The following ABCC2 variants were observed in gnomAD, a reference collection of about 807,000 sequenced individuals.
ABCC2 encodes ATP-binding cassette sub-family C member 2.
In ABCC2, 157 loss-of-function variants were observed where a neutral mutation model predicts 173.4. The observed-to-expected ratio is 0.91, with a 90% CI of 0.80 to 1.03. The LOEUF (loss-of-function observed/expected upper bound fraction) is 1.03, where lower values mean the gene tolerates loss of function less well. ABCC2 is among the 50% of genes least tolerant of loss of function. The pLI, the probability that ABCC2 is intolerant of heterozygous loss-of-function variation, is 0.00. For missense variants in ABCC2, 1,822 were observed against 1,852.3 expected (o/e 0.98, Z 0.30); for synonymous variants, 657 against 693.5 (o/e 0.95, Z 0.83).
At chr10:99,817,820 A>C (rs1048307866) in intron 17 of ABCC2, among the ~76,000 whole-genome samples, 1 of 152,208 alleles carries the variant, frequency 6.6e-6, no homozygotes, top group African/African-American at 2.4e-5. Flanking sequence ...AGGTGTCCTG[A>C]TTCTACTTCT....
rs1341408380 is a variant in ABCC2, at chr10:99,852,339, A to C, written c.*708A>C. The C allele has an allele frequency of 6.6e-6, 1 of 152,286 alleles. No homozygotes were observed. The highest frequency in any genetic ancestry group is 1.5e-5 in the Non-Finnish European group (1 of 68,084). The allele number at this position is 152,286 out of a possible 1,614,324, so 9.4% of individuals were successfully genotyped here. On this transcript the variant is annotated 3_prime_UTR_variant, in exon 32 of 32. Transcript: ENST00000647814. ...TGAAAACATTGCTGTCAATCTGATG[A>C]ATATGAATTGATGTATCAATGAGAA...
intron 16 of ABCC2, among the ~76,000 whole-genome samples, chr10:99,815,746 CA>C (rs201857423): frequency 2.0e-5 from 3 of 151,840 alleles, no homozygotes; most frequent in East Asian, 3.9e-4. Context: ...ACCTGCTTGA[CA>C]AAAAAATGTA....
Position 99,830,397 on chromosome 10 carries a change from GA to G in ABCC2, c.2713del (p.Arg905GlufsTer20). The G allele has an allele frequency of 6.2e-7, 1 of 1,614,182 alleles. No individual in the cohort carries two copies. The highest frequency in any genetic ancestry group is 1.7e-5 in the Admixed American group (1 of 60,026). ...IPEDAASITMRRENSFRRTLS... is the reference protein window; with the variant it reads ...IPEDAASITMXRENSFRRTLS... Reference sequence around the variant, plus strand: ...GAAGATGCAGCCTCCATAACCATGAGAAGAGAGAACAGCTTTCGTCGAACAC... The same window carrying G: ...GAAGATGCAGCCTCCATAACCATGAGAGAGAGAACAGCTTTCGTCGAACAC... On this transcript the variant is annotated frameshift_variant, in exon 20 of 32. Coordinates refer to ENST00000647814, the MANE Select transcript of ABCC2 (RefSeq NM_000392.5). LOFTEE classifies it high-confidence loss of function.
At chr10:99,846,550 C>G (rs915755735) in intron 29 of ABCC2, among the ~76,000 whole-genome samples, 1 of 152,144 alleles carries the variant, frequency 6.6e-6, no homozygotes, top group African/African-American at 2.4e-5. Flanking sequence ...TCAGCCTAGG[C>G]AACATGGCAA....
At chr10:99,831,123 A>T (rs1249660225) in intron 21 of ABCC2, among the ~76,000 whole-genome samples, 8 of 152,138 alleles carry the variant, frequency 5.3e-5, no homozygotes, top group African/African-American at 1.7e-4. Context: ...GAACAGGAAA[A>T]CTCAGACCTA....
intron 16 of ABCC2, 126 bp downstream of exon 16, chr10:99,813,270 T>C (rs2038248875): frequency 7.9e-7 from 1 of 1,271,214 alleles, no homozygotes; most frequent in Non-Finnish European, 1.1e-6. Flanking sequence ...GATAGATTTG[T>C]GGACTGTGAT....
intron 3 of ABCC2, 21 bp downstream of exon 3, chr10:99,792,380 G>T (rs1934992192): frequency 6.2e-7 from 1 of 1,613,196 alleles, no homozygotes; most frequent in Admixed American, 1.7e-5. Flanking sequence ...TACCACTTCT[G>T]CCCTGTTTAC....
In ABCC2 at chr10:99,830,727, A is replaced by G. The variant is rs200512939; in HGVS notation, c.2759A>G (p.Asn920Ser). ...RRTLSRSSRS[N>S]GRHLKSLRNS... ...CTTCCCTCTCTCAGTTCTAGGTCCA[A>G]TGGCAGGCATCTGAAGTCCCTGAGA... The change falls in exon 21 of 32, where the codon AAT (asparagine) becomes AGT (serine). Residue 920 changes from asparagine (N) to serine (S), a missense_variant. Physicochemically the swap from Asn to Ser is conservative, Grantham distance 46. Transcript: ENST00000647814. 11 of 1,614,136 alleles carry G rather than the reference A, an allele frequency of 6.8e-6. No homozygotes were observed. The East Asian group carries it at 1.3e-4, about 20-fold the overall frequency.
chr10:99,842,943 C>T (rs1042803098), intron 26 of ABCC2, among the ~76,000 whole-genome samples: 2 of 151,992 alleles, frequency 1.3e-5, no homozygotes, highest in Middle Eastern at 3.4e-3. Context: ...ATCCCAGCTA[C>T]TGGGGAGGCT....
At chr10:99,838,091 C>T (rs1590187242) in intron 25 of ABCC2, among the ~76,000 whole-genome samples, 8 of 75,722 alleles carry the variant, frequency 1.1e-4, no homozygotes, top group East Asian at 4.0e-4. Context: ...GGCGGCTGGC[C>T]GGGCAGGGGG....
intron 6 of ABCC2, among the ~76,000 whole-genome samples, chr10:99,794,852 T>C (rs942544351): frequency 6.6e-6 from 1 of 152,112 alleles, no homozygotes; most frequent in African/African-American, 2.4e-5. Flanking sequence ...AAAGATTAAT[T>C]TTTTAAAAAT....
At chr10:99,801,384 G>A (rs933972687) in intron 9 of ABCC2, among the ~76,000 whole-genome samples, 1 of 151,970 alleles carries the variant, frequency 6.6e-6, no homozygotes, top group African/African-American at 2.4e-5. Context: ...CTACAGGCAC[G>A]TGCCACCACG....
chr10:99,819,448 C>G (rs1441893373), intron 19 of ABCC2, among the ~76,000 whole-genome samples, 179 bp downstream of exon 19: 2 of 152,324 alleles, frequency 1.3e-5, no homozygotes, highest in African/African-American at 4.8e-5. Flanking sequence ...AATTGAAACT[C>G]TATGCCTGGG....
chr10:99,830,636 C>T, intron 20 of ABCC2, 80 bp from the exon 21 acceptor site: 3 of 1,604,480 alleles, frequency 1.9e-6, no homozygotes, highest in African/African-American at 1.3e-5. Context: ...GCTTTGATGC[C>T]AGCTGAGTGA....
At chr10:99,798,944 G>A (rs1381745234) in intron 7 of ABCC2, among the ~76,000 whole-genome samples, 4 of 152,122 alleles carry the variant, frequency 2.6e-5, no homozygotes, top group Non-Finnish European at 5.9e-5. Flanking sequence ...AGGCCCCCAC[G>A]CAGATGGGTC....
chr10:99,795,720 GA>G (rs1564672231), intron 6 of ABCC2, among the ~76,000 whole-genome samples: 1 of 122,754 alleles, frequency 8.1e-6, no homozygotes, highest in African/African-American at 3.2e-5. Flanking sequence ...GAGAGAGAGA[GA>G]AGAAAGAAAG....
At chr10:99,813,903 G>A (rs916263364) in intron 16 of ABCC2, among the ~76,000 whole-genome samples, 4 of 151,768 alleles carry the variant, frequency 2.6e-5, no homozygotes, top group Non-Finnish European at 5.9e-5. Context: ...AATATCAAGA[G>A]CAATAAAAAC....
intron 29 of ABCC2, among the ~76,000 whole-genome samples, chr10:99,846,720 C>T (rs1291084524): frequency 6.6e-6 from 1 of 151,356 alleles, no homozygotes; most frequent in African/African-American, 2.4e-5. Flanking sequence ...GTCTGGGCAA[C>T]AGAGTGAAAG....
At chr10:99,806,500 T>A (rs978327373) in intron 11 of ABCC2, among the ~76,000 whole-genome samples, 1 of 152,208 alleles carries the variant, frequency 6.6e-6, no homozygotes, top group African/African-American at 2.4e-5. Context: ...CCTAGATGAT[T>A]CTAATATGCC....
Sources: gnomAD v4.1 joint callset for allele counts (sites outside exome capture counted in the v4.1 genomes callset) on GRCh38, gnomAD v4.1.1 for gene constraint, MANE v1.5 for transcripts, NCBI Gene and HGNC (gene_info 2026-07-23, HGNC 2026-07-21) for gene names.